The following STIM1 variants were observed in gnomAD, a reference collection of about 807,000 sequenced individuals.
The protein encoded by STIM1 is stromal interaction molecule 1.
A neutral mutation model predicts 74.7 loss-of-function variants in STIM1; 25 were observed. The observed-to-expected ratio is 0.33, with a 90% CI of 0.24 to 0.47. STIM1 has a LOEUF of 0.47. Among genes scored for constraint, STIM1 ranks in the 20% least tolerant of loss-of-function variants. The pLI is 1.00. For missense variants in STIM1, 728 were observed against 920.8 expected (o/e 0.79, Z 2.71); for synonymous variants, 328 against 348.8 (o/e 0.94, Z 0.66).
rs181952526 is a variant in STIM1, at chr11:3,855,999, G to A, written c.-272G>A. 208 of 517,242 alleles carry A rather than the reference G, an allele frequency of 4.0e-4. No homozygotes were observed. The highest frequency in any genetic ancestry group is 2.3e-3 in the Admixed American group (73 of 31,414). 32.0% of individuals were successfully genotyped at this position (517,242 alleles called of 1,614,324 possible). On this transcript the variant is annotated 5_prime_UTR_variant, in exon 1 of 13. Coordinates refer to ENST00000526596, the MANE Select transcript of STIM1 (RefSeq NM_001382567.1). ...CTGACAGCAGCCCCGCAGCCACCCT[G>A]CCCGAAGTCTCCGGAAGCGGCACGA...
intron 2 of STIM1, among the ~76,000 whole-genome samples, chr11:4,012,819 G>A: frequency 6.6e-6 from 1 of 152,170 alleles, no homozygotes; most frequent in Non-Finnish European, 1.5e-5. Context: ...CAAAGGGTAT[G>A]TTTCCAGCTT....
At chr11:3,992,141 A>T (rs574918251) in intron 2 of STIM1, among the ~76,000 whole-genome samples, 1 of 109,388 alleles carries the variant, frequency 9.1e-6, no homozygotes, top group African/African-American at 3.6e-5. Context: ...GCGTCCTGGT[A>T]TGGTGGCTCA....
rs1460224449 is a variant in STIM1, at chr11:4,082,660, C to CTA, written c.1138-220_1138-219dup. 2.6e-5 allele frequency among the ~76,000 whole-genome samples: 4 copies of CTA among 152,322 alleles called. No homozygotes were observed. In the East Asian group the frequency reaches 7.7e-4, roughly 29 times the overall value. ...CAGAGGTCCTCCTGGGGCAAAAGGG[C>CTA]TATCAAGGACCCCTTTGCTTCTCCC... On this transcript the variant is annotated intron_variant, in intron 8 of 12. Transcript: ENST00000526596.
rs1447708283 is a variant in STIM1, at chr11:4,086,891, C to T, written c.1634+348C>T. ...CAGCTGTCTCTCTTTTCTTTCTTCC[C>T]TTCCTTCCCTTTCTGCTGCTTTTAC... On this transcript the variant is annotated intron_variant, in intron 12 of 12. Transcript: ENST00000526596. The T allele has an allele frequency of 4.0e-6, 6 of 1,515,044 alleles. No homozygotes were observed. The African/African-American group carries it at 6.9e-5, about 17-fold the overall frequency. The allele number at this position is 1,515,044 out of a possible 1,614,324, so 93.9% of individuals were successfully genotyped here. A position where few individuals can be genotyped will look rare whatever the true frequency, so the allele number is the denominator to read the frequency against.
intron 1 of STIM1, among the ~76,000 whole-genome samples, chr11:3,865,856 TTGCC>T (rs1164543013): frequency 4.6e-5 from 7 of 152,176 alleles, no homozygotes; most frequent in African/African-American, 1.7e-4. Flanking sequence ...TTTGACAACT[TTGCC>T]TGTGTTGATA....
intron 1 of STIM1, among the ~76,000 whole-genome samples, chr11:3,941,473 G>A (rs1021264304): frequency 3.3e-5 from 5 of 152,168 alleles, no homozygotes; most frequent in Admixed American, 2.6e-4. Context: ...TCTTGGTAGG[G>A]TTAAGCAGTA....
intron 3 of STIM1, among the ~76,000 whole-genome samples, chr11:4,027,855 G>A (rs1428993282): frequency 2.0e-5 from 3 of 152,096 alleles, no homozygotes; most frequent in African/African-American, 7.2e-5. Context: ...TAAAGGAAGG[G>A]TGGCTGGGTA....
chr11:3,983,866 C>T (rs2093531102), intron 2 of STIM1, among the ~76,000 whole-genome samples: 1 of 151,792 alleles, frequency 6.6e-6, no homozygotes, highest in African/African-American at 2.4e-5. Flanking sequence ...CCTCCTCTTT[C>T]TCCTTTCTTT....
chr11:3,989,949 T>C (rs2093594356), intron 2 of STIM1, among the ~76,000 whole-genome samples: 1 of 152,168 alleles, frequency 6.6e-6, no homozygotes, highest in Admixed American at 6.5e-5. Flanking sequence ...ATTCAATGGG[T>C]TTTAGTATAT....
At chr11:3,956,258 C>A (rs1364283044) in intron 1 of STIM1, among the ~76,000 whole-genome samples, 2 of 152,126 alleles carry the variant, frequency 1.3e-5, no homozygotes, top group Non-Finnish European at 2.9e-5. Context: ...AGATTATCTC[C>A]TCTGGGAGAG....
intron 1 of STIM1, among the ~76,000 whole-genome samples, chr11:3,957,405 C>T (rs867741562): frequency 1.9e-4 from 29 of 151,906 alleles, no homozygotes; most frequent in African/African-American, 6.5e-4. Context: ...TACAGGCGCC[C>T]GCCACCACGC....
intron 3 of STIM1, among the ~76,000 whole-genome samples, chr11:4,024,537 T>A (rs946896790): frequency 1.3e-5 from 2 of 152,222 alleles, no homozygotes; most frequent in Admixed American, 1.3e-4. Flanking sequence ...GCCTCCTTCT[T>A]GTCTTGATTT....
intron 3 of STIM1, among the ~76,000 whole-genome samples, chr11:4,028,254 G>A (rs2094014790): frequency 6.6e-6 from 1 of 151,806 alleles, no homozygotes; most frequent in South Asian, 2.1e-4. Context: ...GCTAATTTTT[G>A]TATTTTTAAC....
At chr11:4,062,939 A>G (rs2094340974) in intron 5 of STIM1, among the ~76,000 whole-genome samples, 1 of 152,246 alleles carries the variant, frequency 6.6e-6, no homozygotes, top group South Asian at 2.1e-4. Context: ...AAAGGAATGA[A>G]GTACTGATAT....
chr11:4,070,219 T>A lies in STIM1; in HGVS notation c.791+16T>A. On this transcript the variant is annotated intron_variant, in intron 6 of 12. Coordinates refer to ENST00000526596, the MANE Select transcript of STIM1 (RefSeq NM_001382567.1). ...TTCAGGAAAGGTAAGGCCTGCCCCT[T>A]CAGGAAAGGTGAGGCCCTGCCAGTT... 1.2e-6 allele frequency: 2 copies of A among 1,613,416 alleles called. No individual in the cohort carries two copies. The highest frequency in any genetic ancestry group is 1.7e-6 in the Non-Finnish European group (2 of 1,179,960).
chr11:3,995,080 C>G (rs553788924), intron 2 of STIM1, among the ~76,000 whole-genome samples: 1 of 71,038 alleles, frequency 1.4e-5, no homozygotes, highest in South Asian at 9.0e-4. Flanking sequence ...CTTTAAAAAT[C>G]ATGATTTTTT....
At chr11:4,066,323 G>A (rs1212513511) in intron 5 of STIM1, among the ~76,000 whole-genome samples, 2 of 152,186 alleles carry the variant, frequency 1.3e-5, no homozygotes, top group Admixed American at 1.3e-4. Context: ...AGCTGGCCAT[G>A]CTCTTTTTGT....
At chr11:3,914,137 C>G (rs1487178871) in intron 1 of STIM1, among the ~76,000 whole-genome samples, 1 of 152,128 alleles carries the variant, frequency 6.6e-6, no homozygotes, top group Non-Finnish European at 1.5e-5. Context: ...CCATTCCTCC[C>G]TCCTGCTAGC....
At chr11:3,979,465 A>C (rs73427592) in intron 2 of STIM1, among the ~76,000 whole-genome samples, 1 of 152,182 alleles carries the variant, frequency 6.6e-6, no homozygotes, top group Non-Finnish European at 1.5e-5. Flanking sequence ...TTTTTAAAAG[A>C]GTCAGGGTCT....
Sources: gnomAD v4.1 joint callset for allele counts (sites outside exome capture counted in the v4.1 genomes callset) on GRCh38, gnomAD v4.1.1 for gene constraint, MANE v1.5 for transcripts, NCBI Gene and HGNC (gene_info 2026-07-23, HGNC 2026-07-21) for gene names.